OR3A2: variants seen among roughly 807,000 people sequenced by gnomAD.
The protein encoded by OR3A2 is olfactory receptor family 3 subfamily A member 2, also known as olfactory receptor 3A2.
For missense variants in OR3A2, 318 were observed against 392.8 expected, an observed-to-expected ratio of 0.81 and a Z score of 1.61; for synonymous variants, 126 against 159.3, an observed-to-expected ratio of 0.79 and a Z score of 1.57.
chr17:3,348,256 C>G (rs1019869034), intron 2 of OR3A2, among the ~76,000 whole-genome samples: 1 of 152,112 alleles, frequency 6.6e-6, no homozygotes, highest in Non-Finnish European at 1.5e-5. Context: ...TTAATTAGAT[C>G]CCATTTATCC....
rs1026805283 is a variant in OR3A2, at chr17:3,370,940, G to C, written c.-179+12864C>G. ...ACATGTTTCAGAGAGCACAGGGTTGGGGGTAGGGTCACAGATCAACAGGAT... is the reference window on the plus strand; with the variant it reads ...ACATGTTTCAGAGAGCACAGGGTTGCGGGTAGGGTCACAGATCAACAGGAT... On this transcript the variant is annotated intron_variant, in intron 2 of 4. Coordinates refer to the OR3A2 transcript ENST00000573491. 1.3e-5 allele frequency among the ~76,000 whole-genome samples: 2 copies of C among 152,140 alleles called. 1 individual carries two copies. The highest frequency in any genetic ancestry group is 4.1e-4 in the South Asian group (2 of 4,820).
At chr17:3,316,557 A>G (rs1567552235) in intron 3 of OR3A2, among the ~76,000 whole-genome samples, 1 of 152,244 alleles carries the variant, frequency 6.6e-6, no homozygotes, top group Non-Finnish European at 1.5e-5. Flanking sequence ...ACATAGCAAT[A>G]TTTACAAAGC....
intron 3 of OR3A2, among the ~76,000 whole-genome samples, chr17:3,330,196 G>C (rs1486377867): frequency 3.3e-5 from 5 of 151,400 alleles, no homozygotes; most frequent in Admixed American, 2.6e-4. Context: ...CTGTTGATTT[G>C]GGGTGGAGAG....
intron 2 of OR3A2, among the ~76,000 whole-genome samples, chr17:3,382,928 C>G (rs1355819544): frequency 6.6e-6 from 1 of 152,140 alleles, no homozygotes; most frequent in Non-Finnish European, 1.5e-5. Flanking sequence ...CCCCGGAACC[C>G]AGCACAATGC....
chr17:3,340,552 T>C (rs1567560916), intron 2 of OR3A2, among the ~76,000 whole-genome samples: 2 of 152,244 alleles, frequency 1.3e-5, no homozygotes, highest in Non-Finnish European at 2.9e-5. Context: ...GAGCAGGTTG[T>C]TCAGTTTCCA....
chr17:3,312,990 C>T lies in OR3A2; in HGVS notation c.-85+23043G>A, dbSNP rs548851602. Among the ~76,000 whole-genome samples the T allele has an allele frequency of 8.5e-5, 13 of 152,172 alleles. No homozygotes were observed. In the South Asian group the frequency reaches 2.3e-3, roughly 27 times the overall value. On this transcript the variant is annotated intron_variant, in intron 3 of 4. Transcript: ENST00000573491. The stretch of plus-strand genomic sequence containing the variant: ...GGACATTCTGTTTAATTCATACGTA[C>T]AGATAATTAGTAAAGGTGAGGAGAC...
chr17:3,375,431 T>A (rs569868457), intron 2 of OR3A2, among the ~76,000 whole-genome samples: 4 of 151,704 alleles, frequency 2.6e-5, no homozygotes, highest in Non-Finnish European at 5.9e-5. Context: ...GCCTCCCTAG[T>A]AGCTGGGACT....
chr17:3,311,541 A>C lies in OR3A2; in HGVS notation c.-85+24492T>G. ...TCAACCACTTCTACTGTGACCTCCC[A>C]CCTCTTTTCCAGCTCTCTTGCTCCA... On this transcript the variant is annotated intron_variant, in intron 3 of 4. Coordinates refer to the OR3A2 transcript ENST00000573491. This position sits in a 1 kb window ranked among gnomAD's most constrained non-coding sequence, Gnocchi z 4.6. 1 of 425,572 alleles carries C rather than the reference A, an allele frequency of 2.3e-6. No individual in the cohort carries two copies. Among genetic ancestry groups the C allele is most frequent in the Non-Finnish European group, 4.8e-6 (1 of 210,516 alleles). 26.4% of individuals were successfully genotyped at this position (425,572 alleles called of 1,614,324 possible). A position where few individuals can be genotyped will look rare whatever the true frequency, so the allele number is the denominator to read the frequency against.
At chr17:3,298,011 T>C (rs2048933444) in intron 3 of OR3A2, among the ~76,000 whole-genome samples, 1 of 152,108 alleles carries the variant, frequency 6.6e-6, no homozygotes, top group Non-Finnish European at 1.5e-5. Context: ...AGAGTCAAGA[T>C]AGATGGGGTG....
intron 2 of OR3A2, among the ~76,000 whole-genome samples, chr17:3,361,107 G>C (rs138111614): frequency 2.5e-4 from 38 of 151,560 alleles, no homozygotes; most frequent in Non-Finnish European, 4.6e-4. Context: ...GCAGTGGTTT[G>C]TAGTTCTCCT....
chr17:3,333,377 T>TCATCAA (rs1447601537), intron 3 of OR3A2, among the ~76,000 whole-genome samples: 3 of 152,192 alleles, frequency 2.0e-5, no homozygotes, highest in African/African-American at 7.2e-5. Flanking sequence ...CCCTCATCAG[T>TCATCAA]AATTCTAATT....
chr17:3,279,459 G>C (rs1436177717), intron 1 of OR3A2, among the ~76,000 whole-genome samples: 1 of 152,156 alleles, frequency 6.6e-6, no homozygotes, highest in Non-Finnish European at 1.5e-5. Context: ...CTAATAAGCA[G>C]GTTTCAAAAT....
chr17:3,279,647 G>A (rs951852000), intron 1 of OR3A2, among the ~76,000 whole-genome samples: 7 of 152,110 alleles, frequency 4.6e-5, no homozygotes, highest in African/African-American at 9.7e-5. Flanking sequence ...AATTAGCTTC[G>A]TGTGGTGGGG....
At chr17:3,345,420 A>AAGAG (rs776616904) in intron 2 of OR3A2, among the ~76,000 whole-genome samples, 103 of 117,344 alleles carry the variant, frequency 8.8e-4, no homozygotes, top group East Asian at 8.3e-3. Flanking sequence ...AAAAAAAGGA[A>AAGAG]AGAGAGAGAG....
At chr17:3,346,973 T>C (rs1415319680) in intron 2 of OR3A2, among the ~76,000 whole-genome samples, 2 of 152,326 alleles carry the variant, frequency 1.3e-5, no homozygotes, top group East Asian at 1.9e-4. Context: ...AAAGCTTGGC[T>C]ATTGTGCACA....
intron 3 of OR3A2, among the ~76,000 whole-genome samples, chr17:3,309,794 A>C (rs2049026153): frequency 6.6e-6 from 1 of 152,050 alleles, no homozygotes; most frequent in African/African-American, 2.4e-5. Context: ...TTAATCTTTT[A>C]ATAGTCTGGG....
intron 2 of OR3A2, among the ~76,000 whole-genome samples, chr17:3,342,258 C>T (rs540094371): frequency 2.0e-5 from 3 of 152,224 alleles, no homozygotes; most frequent in African/African-American, 4.8e-5. Context: ...TTTCTGAAGC[C>T]TACTTCTGTC....
At chr17:3,349,058 T>C (rs230452) in intron 2 of OR3A2, among the ~76,000 whole-genome samples, 3,042 of 152,156 alleles carry the variant, frequency 0.02, 111 homozygotes, top group African/African-American at 0.067. Flanking sequence ...GAACAACCGG[T>C]ACCAGCTGCT....
At chr17:3,356,576 G>C (rs1009536269) in intron 2 of OR3A2, among the ~76,000 whole-genome samples, 2 of 151,204 alleles carry the variant, frequency 1.3e-5, no homozygotes, top group African/African-American at 4.9e-5. Flanking sequence ...AACACAAACA[G>C]ACCAATAATA....
Sources: gnomAD v4.1 joint callset for allele counts (sites outside exome capture counted in the v4.1 genomes callset) on GRCh38, gnomAD v4.1.1 for gene constraint, Gnocchi (gnomAD v3.1) non-coding constraint, MANE v1.5 for transcripts, NCBI Gene and HGNC (gene_info 2026-07-23, HGNC 2026-07-21) for gene names.